The following SUN1 variants were observed in gnomAD, a reference collection of about 807,000 sequenced individuals.
SUN1 encodes SUN domain-containing protein 1.
SUN1 carries 61 observed loss-of-function variants against 103.2 expected under a neutral mutation model. The ratio of observed to expected loss-of-function variants is 0.59; its 90% CI spans 0.48 to 0.73. SUN1 has a LOEUF of 0.73. Ranked by LOEUF, SUN1 falls within the 30% of genes least tolerant of loss-of-function variation. SUN1 has a pLI of 0.00. For synonymous variants in SUN1, 490 were observed against 425.7 expected (o/e 1.15, Z -1.86); for missense variants, 1,052 against 1,034.6 (o/e 1.02, Z -0.23).
intron 5 of SUN1, 177 bp from the exon 6 acceptor site, chr7:851,207 G>C (rs372130058): frequency 2.3e-5 from 12 of 519,562 alleles, no homozygotes; most frequent in African/African-American, 1.5e-4. Flanking sequence ...GGTCATGTCA[G>C]TGCAATATTG....
At chr7:856,591 C>T (rs541084666) in intron 12 of SUN1, among the ~76,000 whole-genome samples, 190 bp downstream of exon 12, 78 of 152,170 alleles carry the variant, frequency 5.1e-4, no homozygotes, top group Admixed American at 1.0e-3. Context: ...CGGGGCTTGC[C>T]ACATCCCCCT....
chr7:866,009 T>C lies in SUN1; in HGVS notation c.1922T>C (p.Met641Thr). The C allele has an allele frequency of 2.5e-6, 4 of 1,614,158 alleles. No individual in the cohort carries two copies. The highest frequency in any genetic ancestry group is 3.4e-6 in the Non-Finnish European group (4 of 1,180,006). ...SETYETKTAL[M>T]SLFGIPLWYF... is the part of the protein sequence containing the mutation. ...ACTTACGAAACCAAAACGGCGCTGA[T>C]GAGTCTGTTTGGGATCCCGCTGTGG... The change falls in exon 16 of 19, where the codon ATG becomes ACG. Residue 641 changes from methionine to threonine, a missense_variant. Physicochemically the swap from Met to Thr is moderately conservative, Grantham distance 81. Coordinates refer to ENST00000401592, the MANE Select transcript of SUN1 (RefSeq NM_001130965.3).
rs74881815 is a variant in SUN1 at position 866,159 on chromosome 7, G to C, written c.1980+92G>C. 5.6e-6 allele frequency: 6 copies of C among 1,069,408 alleles called. No individual in the cohort carries two copies. The Admixed American group carries it at 1.2e-4, about 21-fold the overall frequency. The allele number at this position is 1,069,408 out of a possible 1,614,324, so 66.2% of individuals were successfully genotyped here. ...TAGGTCCACAGCTCCATGGAACTTC[G>C]TAAGATGAACACGTCTGTGGAACTG... On this transcript the variant is annotated intron_variant, in intron 16 of 18. Transcript: ENST00000401592.
chr7:855,278 C>T (rs1237141387), intron 11 of SUN1, among the ~76,000 whole-genome samples: 1 of 152,240 alleles, frequency 6.6e-6, no homozygotes, highest in Non-Finnish European at 1.5e-5. Flanking sequence ...TTCCAGGCGG[C>T]CTCTGGGTTC....
At chr7:822,486 C>A (rs1252678487) in intron 1 of SUN1, among the ~76,000 whole-genome samples, 1 of 152,156 alleles carries the variant, frequency 6.6e-6, no homozygotes, top group Non-Finnish European at 1.5e-5. Context: ...GGGGAGACAC[C>A]CCTCGGGCAT....
intron 18 of SUN1, 68 bp from the exon 19 acceptor site, chr7:873,147 G>T: frequency 7.2e-7 from 1 of 1,383,342 alleles, no homozygotes; most frequent in Non-Finnish European, 1.0e-6. Context: ...GTCATATTTG[G>T]GGAAGTGATT....
chr7:862,349 G>C (rs747367518), intron 15 of SUN1, among the ~76,000 whole-genome samples: 2 of 152,078 alleles, frequency 1.3e-5, no homozygotes, highest in African/African-American at 4.8e-5. Flanking sequence ...ATGTGGTTGC[G>C]CAGGATCCTA....
chr7:856,540 C>T (rs1031461242), intron 12 of SUN1, 139 bp downstream of exon 12: 1 of 888,426 alleles, frequency 1.1e-6, no homozygotes, highest in African/African-American at 1.7e-5. Flanking sequence ...TTCGTGCCGA[C>T]AGACACTCCT....
intron 5 of SUN1, chr7:850,682 T>A (rs1480113223): frequency 2.0e-5 from 3 of 150,950 alleles, no homozygotes; most frequent in Non-Finnish European, 4.4e-5. Flanking sequence ...CAAAACTTAC[T>A]TTGGGAGGCT....
upstream of SUN1, among the ~76,000 whole-genome samples, chr7:828,138 A>G (rs546200532): frequency 4.5e-4 from 68 of 150,108 alleles, no homozygotes; most frequent in Middle Eastern, 3.7e-3. Flanking sequence ...TCCTGACCTT[A>G]GGTGATCCAC....
rs1585409458 is a variant in SUN1, at chr7:872,479, A to T, written c.2158A>T (p.Asn720Tyr). The T allele has an allele frequency of 6.2e-7, 1 of 1,602,288 alleles. No homozygotes were observed. Residue 720 changes from asparagine (N) to tyrosine (Y), a missense_variant, in exon 18 of 19, where the codon AAT becomes TAT. Asn to Tyr is a moderately radical substitution (Grantham distance 143, BLOSUM62 -2). This residue lies in a region of SUN1 where 206 missense variants were observed against 260.1 expected (regional missense o/e 0.79). Transcript: ENST00000401592. ...PKDFAVYGLE[N>Y]EYQEEGQLLG... The stretch of plus-strand genomic sequence containing the variant: ...ATGGTCTTGTTTTCAGGGATTAGAA[A>T]ATGAGTATCAGGAAGAAGGGCAGCT...
At chr7:845,030 T>G (rs1584643665) in intron 5 of SUN1, among the ~76,000 whole-genome samples, 4 of 152,168 alleles carry the variant, frequency 2.6e-5, no homozygotes, top group Admixed American at 2.6e-4. Flanking sequence ...AACATAACAT[T>G]TTTCTTAGAA....
At chr7:850,306 C>G in intron 5 of SUN1, 1 of 409,492 alleles carries the variant, frequency 2.4e-6, no homozygotes, top group Non-Finnish European at 4.5e-6. Context: ...TCAAGCAATT[C>G]TCCTGCCACA....
At chr7:860,699 A>G (rs1030040682) in intron 14 of SUN1, among the ~76,000 whole-genome samples, 1 of 152,230 alleles carries the variant, frequency 6.6e-6, no homozygotes, top group African/African-American at 2.4e-5. Context: ...GTTCCATGAA[A>G]GTCTCTCCGT....
At chr7:821,751 C>A (rs1452109096) in intron 1 of SUN1, among the ~76,000 whole-genome samples, 1 of 152,160 alleles carries the variant, frequency 6.6e-6, no homozygotes, top group African/African-American at 2.4e-5. Context: ...CTCCTGGAGG[C>A]TGTTGAATTG....
Position 832,745 on chromosome 7 carries a change from T to C in SUN1, c.77+144T>C, listed in dbSNP as rs569131735. 941 of 701,884 alleles carry C rather than the reference T, an allele frequency of 1.3e-3. 3 individuals carry two copies. Among genetic ancestry groups the C allele is most frequent in the Non-Finnish European group, 1.9e-3 (763 of 406,814 alleles). 43.5% of individuals were successfully genotyped at this position (701,884 alleles called of 1,614,324 possible). A position where few individuals can be genotyped will look rare whatever the true frequency, so the allele number is the denominator to read the frequency against. ...AAAAAAAATAATAAACTGTATCTTA[T>C]GGCTTTAGAGGTGGTTTTTTCTTAC... On this transcript the variant is annotated intron_variant, in intron 1 of 18. Transcript: ENST00000401592.
In SUN1 at chr7:873,885, C is replaced by G. The variant is rs1843139754; in HGVS notation, c.*554C>G. 6.5e-6 allele frequency: 1 copy of G among 152,762 alleles called. No individual in the cohort carries two copies. The highest frequency in any genetic ancestry group is 2.1e-4 in the South Asian group (1 of 4,846). 9.5% of individuals were successfully genotyped at this position (152,762 alleles called of 1,614,324 possible). A position where few individuals can be genotyped will look rare whatever the true frequency, so the allele number is the denominator to read the frequency against. ...GGGGAAATAACTAAAATGTGTTTTTCTGCTTTGTTCGCTCTTACTTCTGAG... is the reference window on the plus strand; with the variant it reads ...GGGGAAATAACTAAAATGTGTTTTTGTGCTTTGTTCGCTCTTACTTCTGAG... On this transcript the variant is annotated 3_prime_UTR_variant, in exon 19 of 19. Coordinates refer to ENST00000401592, the MANE Select transcript of SUN1 (RefSeq NM_001130965.3).
intron 15 of SUN1, among the ~76,000 whole-genome samples, chr7:862,143 C>T (rs1832727170): frequency 6.6e-6 from 1 of 152,250 alleles, no homozygotes; most frequent in Non-Finnish European, 1.5e-5. Context: ...GTGTGCACCA[C>T]ACCTGTTATG....
At chr7:831,907 G>A (rs1798344862), upstream of SUN1, 1 of 358,716 alleles carries the variant, frequency 2.8e-6, no homozygotes, top group Admixed American at 6.4e-5. Context: ...AAATCTAGAT[G>A]ACAACCTGAG....
Sources: gnomAD v4.1 joint callset for allele counts (sites outside exome capture counted in the v4.1 genomes callset) on GRCh38, gnomAD v4.1.1 for gene constraint, gnomAD v4.1.1 regional missense constraint, MANE v1.5 for transcripts, NCBI Gene and HGNC (gene_info 2026-07-23, HGNC 2026-07-21) for gene names.